The following TIAM1 variants were observed in gnomAD, a reference collection of about 807,000 sequenced individuals.
TIAM1 encodes the protein TIAM Rac1 associated GEF 1.
Under a neutral mutation model 163.5 loss-of-function variants are expected in TIAM1, and 65 were observed. The observed-to-expected ratio is 0.40, with a 90% CI of 0.33 to 0.49. The LOEUF (loss-of-function observed/expected upper bound fraction) is 0.49. TIAM1 is among the 20% of genes least tolerant of loss of function. The pLI, the probability that TIAM1 is intolerant of heterozygous loss-of-function variation, is 0.77. For synonymous variants in TIAM1, 833 were observed against 810.1 expected, an observed-to-expected ratio of 1.03 and a Z score of -0.48; for missense variants, 1,789 against 2,044.7, an observed-to-expected ratio of 0.87 and a Z score of 2.41.
At chr21:31,133,866 G>C (rs1168227249) in intron 23 of TIAM1, among the ~76,000 whole-genome samples, 3 of 152,106 alleles carry the variant, frequency 2.0e-5, no homozygotes, top group African/African-American at 7.2e-5. Context: ...TCAAGAGATT[G>C]AGACCATCTT....
chr21:31,529,916 CA>C (rs1200909591), intron 1 of TIAM1, among the ~76,000 whole-genome samples: 2 of 152,174 alleles, frequency 1.3e-5, no homozygotes, highest in African/African-American at 4.8e-5. Context: ...GCGGAAGTGT[CA>C]TGGACATTAC....
chr21:31,406,128 C>T (rs1475361916), intron 2 of TIAM1, among the ~76,000 whole-genome samples: 2 of 150,478 alleles, frequency 1.3e-5, no homozygotes, highest in African/African-American at 4.9e-5. Flanking sequence ...GGCTCAACAC[C>T]CACCCCCACC....
At chr21:31,446,859 T>A (rs943734012) in intron 2 of TIAM1, among the ~76,000 whole-genome samples, 2 of 152,188 alleles carry the variant, frequency 1.3e-5, no homozygotes, top group African/African-American at 2.4e-5. Context: ...AGCAAAACAG[T>A]AAAGTTCACA....
intron 2 of TIAM1, among the ~76,000 whole-genome samples, chr21:31,309,599 G>A (rs970412497): frequency 3.3e-5 from 5 of 152,200 alleles, no homozygotes; most frequent in African/African-American, 7.2e-5. Context: ...GTCCTAGACC[G>A]GAGAGTCTGG....
chr21:31,552,819 C>T (rs1292381468), intron 1 of TIAM1, among the ~76,000 whole-genome samples: 1 of 152,126 alleles, frequency 6.6e-6, no homozygotes, highest in Non-Finnish European at 1.5e-5. Flanking sequence ...AAGTCCCTAC[C>T]ACACCACATG....
intron 2 of TIAM1, among the ~76,000 whole-genome samples, chr21:31,413,646 G>T (rs1006579668): frequency 1.3e-5 from 2 of 152,082 alleles, no homozygotes; most frequent in South Asian, 4.1e-4. Flanking sequence ...AAAGGAATAC[G>T]ATTAAATTGA....
chr21:31,497,940 G>T (rs553518625), intron 1 of TIAM1, among the ~76,000 whole-genome samples: 9 of 152,306 alleles, frequency 5.9e-5, no homozygotes, highest in African/African-American at 2.2e-4. Flanking sequence ...TTATGTGATT[G>T]ACTTACAAGC....
At chr21:31,456,507 A>T (rs473296) in intron 2 of TIAM1, among the ~76,000 whole-genome samples, 34,296 of 152,188 alleles carry the variant, frequency 0.23, 4,050 homozygotes, top group South Asian at 0.28. Flanking sequence ...AGATTTTTTA[A>T]GATAAGATGA....
intron 1 of TIAM1, among the ~76,000 whole-genome samples, chr21:31,508,301 C>T (rs1274994763): frequency 6.6e-6 from 1 of 152,044 alleles, no homozygotes; most frequent in South Asian, 2.1e-4. Context: ...GGAACGTAGT[C>T]CTAGGTTGGA....
At chr21:31,481,869 G>A (rs866162927) in intron 1 of TIAM1, among the ~76,000 whole-genome samples, 11 of 152,050 alleles carry the variant, frequency 7.2e-5, no homozygotes, top group East Asian at 3.9e-4. Flanking sequence ...TCAATCTCTC[G>A]CCCCTCTCTC....
At chr21:31,298,786 G>GAA (rs922631791) in intron 2 of TIAM1, among the ~76,000 whole-genome samples, 5 of 132,330 alleles carry the variant, frequency 3.8e-5, no homozygotes, top group South Asian at 2.5e-4. Context: ...GAGAGAGAGA[G>GAA]AAAAAAAAAC....
Position 31,120,754 on chromosome 21 carries a change from C to T in TIAM1, c.4390G>A (p.Ala1464Thr), listed in dbSNP as rs754307192. ...TGGGACTCTTTCTCCGGGCTGCTTG[C>T]GGAGACGGCATCAGAATCAATGGTA... is the stretch of plus-strand genomic sequence containing the variant. ...RFTIDSDAVS[A>T]SSPEKESQQP... Residue 1464 changes from alanine (A) to threonine (T), a missense_variant, in exon 28 of 28, where the codon GCA becomes ACA. Transcript: ENST00000541036. The surrounding 1 kb of genome is among the most constrained non-coding windows in gnomAD (Gnocchi z 4.2). 1.4e-5 allele frequency: 23 copies of T among 1,614,060 alleles called. No individual in the cohort carries two copies. The highest frequency in any genetic ancestry group is 1.9e-5 in the Non-Finnish European group (22 of 1,180,034).
intron 25 of TIAM1, among the ~76,000 whole-genome samples, chr21:31,128,263 T>A (rs977487749): frequency 6.6e-5 from 10 of 152,218 alleles, no homozygotes; most frequent in African/African-American, 2.4e-4. Context: ...ACGTTGTGAT[T>A]CTCAAATCCA....
At chr21:31,243,213 T>A (rs1004960426) in intron 6 of TIAM1, among the ~76,000 whole-genome samples, 14 of 138,504 alleles carry the variant, frequency 1.0e-4, no homozygotes, top group Middle Eastern at 3.8e-3. Context: ...AAAAAAAATA[T>A]ATATATATAT....
intron 2 of TIAM1, among the ~76,000 whole-genome samples, chr21:31,338,083 G>C (rs975515736): frequency 1.3e-5 from 2 of 152,084 alleles, no homozygotes; most frequent in Admixed American, 1.3e-4. Flanking sequence ...TATCTGCTCC[G>C]TGTCCAGACA....
intron 2 of TIAM1, among the ~76,000 whole-genome samples, chr21:31,338,539 G>A (rs1213190086): frequency 2.6e-5 from 4 of 152,184 alleles, no homozygotes; most frequent in African/African-American, 7.2e-5. Context: ...AACGGGGACT[G>A]CATGGGCTAA....
intron 15 of TIAM1, among the ~76,000 whole-genome samples, chr21:31,180,300 C>T (rs1417933338): frequency 6.6e-6 from 1 of 152,118 alleles, no homozygotes; most frequent in East Asian, 1.9e-4. Flanking sequence ...TCATACTTTA[C>T]ATCAGGGACA....
intron 8 of TIAM1, among the ~76,000 whole-genome samples, chr21:31,219,286 G>A (rs746931926): frequency 2.6e-5 from 4 of 152,124 alleles, no homozygotes; most frequent in African/African-American, 4.8e-5. Flanking sequence ...AGGTCTCCAT[G>A]GGCCACCCAC....
At chr21:31,424,300 C>A (rs994884504) in intron 2 of TIAM1, among the ~76,000 whole-genome samples, 2 of 152,146 alleles carry the variant, frequency 1.3e-5, no homozygotes, top group African/African-American at 2.4e-5. Context: ...GATTTGTCTA[C>A]GATCTCACAG....
Sources: gnomAD v4.1 joint callset for allele counts (sites outside exome capture counted in the v4.1 genomes callset) on GRCh38, gnomAD v4.1.1 for gene constraint, Gnocchi (gnomAD v3.1) non-coding constraint, MANE v1.5 for transcripts, NCBI Gene and HGNC (gene_info 2026-07-23, HGNC 2026-07-21) for gene names.